Variants in DPYSL5 observed in about 807,000 individuals in gnomAD.
DPYSL5 encodes the protein dihydropyrimidinase-related protein 5.
DPYSL5 carries 9 observed loss-of-function variants against 58.4 expected under a neutral mutation model. The observed-to-expected ratio is 0.15, with a 90% CI of 0.09 to 0.27. The LOEUF (loss-of-function observed/expected upper bound fraction) is 0.27, where lower values mean the gene tolerates loss of function less well. DPYSL5 is among the 10% of genes least tolerant of loss of function. DPYSL5 has a pLI of 1.00. For missense variants in DPYSL5, 499 were observed against 770.6 expected (o/e 0.65, Z 4.17); for synonymous variants, 293 against 301.9 (o/e 0.97, Z 0.31).
chr2:26,932,203 GAAAGA>G (rs1553321159), intron 6 of DPYSL5, among the ~76,000 whole-genome samples: 124 of 60,946 alleles, frequency 2.0e-3, no homozygotes, highest in African/African-American at 6.3e-3. Context: ...AAGAAAGAAA[GAAAGA>G]AAAGAAAGAA....
rs1664070897 is a variant in DPYSL5, at chr2:26,898,465, T to C, written c.-4-31T>C. 1.2e-6 allele frequency: 2 copies of C among 1,605,552 alleles called. No homozygotes were observed. On this transcript the variant is annotated intron_variant, in intron 1 of 12. Coordinates refer to ENST00000288699, the MANE Select transcript of DPYSL5 (RefSeq NM_020134.4). The surrounding 1 kb of genome is among the most constrained non-coding windows in gnomAD (Gnocchi z 6.1). Reference sequence around the variant, plus strand: ...GAAACTGGAAACAGTGAGAAGGGACTTTGACCTTGACCATGCTCACCTTCT... The same window carrying C: ...GAAACTGGAAACAGTGAGAAGGGACCTTGACCTTGACCATGCTCACCTTCT...
chr2:26,887,821 T>C (rs1663758064), intron 1 of DPYSL5, among the ~76,000 whole-genome samples: 1 of 152,210 alleles, frequency 6.6e-6, no homozygotes, highest in Middle Eastern at 3.2e-3. Context: ...CCAAGTTCTC[T>C]ATCCCAGCTT....
chr2:26,947,014 C>G lies in DPYSL5; in HGVS notation c.*19C>G. ...TTGGTAAAGGCATTGCCAAGCCCCCCGAGTGAGGACGCACCGCCGCCACCA... is the reference window on the plus strand; with the variant it reads ...TTGGTAAAGGCATTGCCAAGCCCCCGGAGTGAGGACGCACCGCCGCCACCA... On this transcript the variant is annotated 3_prime_UTR_variant, in exon 13 of 13. Transcript: ENST00000288699. The surrounding 1 kb of genome is among the most constrained non-coding windows in gnomAD (Gnocchi z 4.2). 6.3e-7 allele frequency: 1 copy of G among 1,582,076 alleles called. No individual in the cohort carries two copies.
intron 2 of DPYSL5, among the ~76,000 whole-genome samples, chr2:26,917,665 G>C (rs72851841): frequency 0.022 from 3,413 of 152,286 alleles, 133 homozygotes; most frequent in African/African-American, 0.077. Context: ...TGAATTAGCT[G>C]AGTTGACAAT....
chr2:26,886,310 A>G (rs1348232507), intron 1 of DPYSL5, among the ~76,000 whole-genome samples: 3 of 152,322 alleles, frequency 2.0e-5, no homozygotes, highest in East Asian at 3.9e-4. Flanking sequence ...ACATGGTCAG[A>G]TGAATGAGGT....
Position 26,942,612 on chromosome 2 carries a change from C to G in DPYSL5, c.1302C>G (p.Gly434=), listed in dbSNP as rs1210721277. The G allele has an allele frequency of 6.2e-7, 1 of 1,614,044 alleles. No individual in the cohort carries two copies. Among genetic ancestry groups the G allele is most frequent in the Non-Finnish European group, 8.5e-7 (1 of 1,180,050 alleles). Residue 434 remains glycine, a synonymous_variant, in exon 11 of 13, where the codon GGC becomes GGG. Transcript: ENST00000288699. This position sits in a 1 kb window ranked among gnomAD's most constrained non-coding sequence, Gnocchi z 5.9. The part of the protein sequence containing the change: ...FNLYENMRCH[G]VPLVTISRGR... ...TGTATGAGAACATGCGCTGCCACGG[C>G]GTGCCACTGGTCACCATCAGCCGGG...
intron 1 of DPYSL5, among the ~76,000 whole-genome samples, chr2:26,851,609 A>G (rs1417308707): frequency 6.6e-6 from 1 of 152,116 alleles, no homozygotes; most frequent in Non-Finnish European, 1.5e-5. Context: ...CGGGACTATA[A>G]GCCAAAGGAC....
chr2:26,920,759 T>G (rs1558345719), intron 2 of DPYSL5, among the ~76,000 whole-genome samples: 3 of 152,210 alleles, frequency 2.0e-5, no homozygotes, highest in African/African-American at 7.2e-5. Context: ...AGCAAGACTG[T>G]GTCTCAAACA....
chr2:26,884,096 C>A (rs964300397), intron 1 of DPYSL5, among the ~76,000 whole-genome samples: 22 of 152,192 alleles, frequency 1.4e-4, no homozygotes, highest in African/African-American at 4.3e-4. Flanking sequence ...ATTTCTGGGG[C>A]CTGGAGACAG....
At chr2:26,881,713 C>T (rs138104838) in intron 1 of DPYSL5, among the ~76,000 whole-genome samples, 1 of 152,166 alleles carries the variant, frequency 6.6e-6, no homozygotes, top group Admixed American at 6.5e-5. Flanking sequence ...GTACAAGTAT[C>T]TGGTGCCTCT....
intron 1 of DPYSL5, among the ~76,000 whole-genome samples, chr2:26,886,188 G>A (rs887279880): frequency 6.6e-6 from 1 of 152,226 alleles, no homozygotes; most frequent in African/African-American, 2.4e-5. Flanking sequence ...TTGATTGGAT[G>A]TCGGGAGAAG....
intron 1 of DPYSL5, among the ~76,000 whole-genome samples, chr2:26,885,490 C>G (rs1663694175): frequency 6.6e-6 from 1 of 152,172 alleles, no homozygotes; most frequent in South Asian, 2.1e-4. Context: ...ACGCCCCAGT[C>G]CAGCCCTCCC....
Position 26,885,837 on chromosome 2 carries a change from T to C in DPYSL5, c.-4-12659T>C, listed in dbSNP as rs780147748. On this transcript the variant is annotated intron_variant, in intron 1 of 12. Coordinates refer to ENST00000288699, the MANE Select transcript of DPYSL5 (RefSeq NM_020134.4). ...AGTTCCTTGCCCCAGGGTTGGGTTCTACTTCCAGAATCCCTCAAAACATTT... is the reference window on the plus strand; with the variant it reads ...AGTTCCTTGCCCCAGGGTTGGGTTCCACTTCCAGAATCCCTCAAAACATTT... Among the ~76,000 whole-genome samples the C allele has an allele frequency of 2.6e-5, 4 of 152,210 alleles. No homozygotes were observed. In the East Asian group the frequency reaches 7.7e-4, roughly 29 times the overall value.
At chr2:26,904,620 G>T (rs927999151) in intron 2 of DPYSL5, among the ~76,000 whole-genome samples, 1 of 152,238 alleles carries the variant, frequency 6.6e-6, no homozygotes, top group Non-Finnish European at 1.5e-5. Context: ...ATGCATGAAC[G>T]TGCCAGGCGC....
intron 1 of DPYSL5, among the ~76,000 whole-genome samples, chr2:26,857,022 G>A (rs1052772357): frequency 1.4e-5 from 2 of 146,866 alleles, no homozygotes; most frequent in African/African-American, 2.7e-5. Context: ...TAAACTAAGC[G>A]GTGTACGTCT....
intron 1 of DPYSL5, among the ~76,000 whole-genome samples, chr2:26,873,340 C>A (rs904185008): frequency 1.3e-5 from 2 of 152,134 alleles, no homozygotes; most frequent in African/African-American, 4.8e-5. Context: ...CCCTTCCTCT[C>A]CACCACCACC....
chr2:26,870,998 G>A (rs956727899), intron 1 of DPYSL5, among the ~76,000 whole-genome samples: 3 of 152,156 alleles, frequency 2.0e-5, no homozygotes, highest in Admixed American at 6.5e-5. Context: ...TCAGTCATAC[G>A]AACCACCTTT....
Position 26,914,409 on chromosome 2 carries a change from A to G in DPYSL5, c.262-10478A>G, listed in dbSNP as rs529668546. ...GGTGAGAATTGCAGACCTCGGAACCATCTTTCCCTGGGGGGTCCTCTAGTC... is the reference window on the plus strand; with the variant it reads ...GGTGAGAATTGCAGACCTCGGAACCGTCTTTCCCTGGGGGGTCCTCTAGTC... On this transcript the variant is annotated intron_variant, in intron 2 of 12. Transcript: ENST00000288699. Among the ~76,000 whole-genome samples the G allele has an allele frequency of 3.3e-5, 5 of 152,314 alleles. No homozygotes were observed. In the East Asian group the frequency reaches 7.7e-4, roughly 24 times the overall value.
intron 2 of DPYSL5, among the ~76,000 whole-genome samples, chr2:26,901,670 C>A (rs1216079683): frequency 6.6e-6 from 1 of 152,154 alleles, no homozygotes; most frequent in Non-Finnish European, 1.5e-5. Context: ...GAAAATCTCA[C>A]CCGAACGATT....
Sources: allele counts gnomAD v4.1 joint callset (sites outside exome capture counted in the v4.1 genomes callset), GRCh38; gene constraint gnomAD v4.1.1; non-coding constraint Gnocchi (gnomAD v3.1); transcripts MANE v1.5; gene names NCBI Gene and HGNC (gene_info 2026-07-23, HGNC 2026-07-21).